The following LAMP1 variants were observed in gnomAD, a reference collection of about 807,000 sequenced individuals.
The protein encoded by LAMP1 is lysosome-associated membrane glycoprotein 1.
A neutral mutation model predicts 37.5 loss-of-function variants in LAMP1; 7 were observed. The observed-to-expected ratio is 0.19, with a 90% confidence interval of 0.11 to 0.35. The LOEUF (loss-of-function observed/expected upper bound fraction) is 0.35. Among genes scored for constraint, LAMP1 ranks in the 10% least tolerant of loss-of-function variants. The pLI is 1.00. For synonymous variants in LAMP1, 236 were observed against 229.1 expected (o/e 1.03, Z -0.27); for missense variants, 537 against 552.8 (o/e 0.97, Z 0.29).
At chr13:113,310,321 T>A (rs2042623332) in intron 3 of LAMP1, among the ~76,000 whole-genome samples, 1 of 151,780 alleles carries the variant, frequency 6.6e-6, no homozygotes, top group Non-Finnish European at 1.5e-5. Flanking sequence ...AGGTCAGGAG[T>A]TCGAGACCAG....
chr13:113,299,412 C>T (rs2042558942), intron 1 of LAMP1, among the ~76,000 whole-genome samples: 1 of 151,418 alleles, frequency 6.6e-6, no homozygotes, highest in Admixed American at 6.6e-5. Context: ...TTACAGGCAC[C>T]CGCCACTATG....
In LAMP1 at chr13:113,321,546, G is replaced by T; in HGVS notation, c.944-11G>T. On this transcript the variant is annotated splice_polypyrimidine_tract_variant and intron_variant, in intron 7 of 8. Coordinates refer to ENST00000332556, the MANE Select transcript of LAMP1 (RefSeq NM_005561.4). The surrounding 1 kb of genome is among the most constrained non-coding windows in gnomAD (Gnocchi z 5.6). ...TATTCTGGAGCCACTAGACCTCTGT[G>T]TGTGTTGCAGACCCTGCCTTTAAAG... 6.2e-7 allele frequency: 1 copy of T among 1,613,742 alleles called. No homozygotes were observed. The highest frequency in any genetic ancestry group is 8.5e-7 in the Non-Finnish European group (1 of 1,180,000).
chr13:113,304,376 G>T (rs1049291068), intron 1 of LAMP1, among the ~76,000 whole-genome samples: 1 of 152,182 alleles, frequency 6.6e-6, no homozygotes. Context: ...GTGTCTGCCT[G>T]TCCGCTGCTT....
intron 2 of LAMP1, among the ~76,000 whole-genome samples, chr13:113,308,720 A>T (rs567521277): frequency 6.6e-6 from 1 of 152,308 alleles, no homozygotes; most frequent in South Asian, 2.1e-4. Context: ...TATGTTTCAC[A>T]AGTGAGGTCA....
rs540043089 is a variant in LAMP1, at chr13:113,321,279, G to A, written c.877-125G>A. On this transcript the variant is annotated intron_variant, in intron 6 of 8. Transcript: ENST00000332556. The surrounding 1 kb of genome is among the most constrained non-coding windows in gnomAD (Gnocchi z 5.6). Reference sequence around the variant, plus strand: ...GCAGTTTTGTTCTAATACTAGAAATGTAGGAAGTCAGGTTTATTACCCAAT... The same window carrying A: ...GCAGTTTTGTTCTAATACTAGAAATATAGGAAGTCAGGTTTATTACCCAAT... 38 of 807,222 alleles carry A rather than the reference G, an allele frequency of 4.7e-5. No homozygotes were observed. In the African/African-American group the frequency reaches 6.1e-4, roughly 13 times the overall value. The allele number at this position is 807,222 out of a possible 1,614,324, so 50.0% of individuals were successfully genotyped here.
chr13:113,319,189 C>T (rs887324774), intron 4 of LAMP1, among the ~76,000 whole-genome samples: 2 of 152,172 alleles, frequency 1.3e-5, no homozygotes, highest in Admixed American at 6.5e-5. Flanking sequence ...GTGTGGTGGG[C>T]GGTGCCTGCT....
chr13:113,310,920 C>T (rs2042627929), intron 4 of LAMP1, 53 bp downstream of exon 4: 2 of 1,525,070 alleles, frequency 1.3e-6, no homozygotes, highest in African/African-American at 2.7e-5. Flanking sequence ...AGCTGGGCTG[C>T]AGTGGCTGCG....
chr13:113,306,323 C>T (rs992586412), intron 1 of LAMP1, 162 bp from the exon 2 acceptor site: 32 of 716,182 alleles, frequency 4.5e-5, no homozygotes, highest in Middle Eastern at 4.3e-4. Flanking sequence ...CGCCACTGCA[C>T]CCCAGCCTGG....
At chr13:113,319,373 C>G in intron 4 of LAMP1, 96 bp from the exon 5 acceptor site, 1 of 1,123,144 alleles carries the variant, frequency 8.9e-7, no homozygotes, top group Non-Finnish European at 1.3e-6. Flanking sequence ...ACGCCAGAGT[C>G]CACAGATGTA....
chr13:113,316,391 C>T (rs999217247), intron 4 of LAMP1, among the ~76,000 whole-genome samples: 3 of 151,262 alleles, frequency 2.0e-5, no homozygotes, highest in South Asian at 2.1e-4. Context: ...TGAAGGTCAC[C>T]GTGTCTCATC....
In LAMP1 at chr13:113,321,499, G is replaced by GCCCCCCC; in HGVS notation, c.943+34_943+35insCCCCCCC. 6.2e-7 allele frequency: 1 copy of GCCCCCCC among 1,610,948 alleles called. No homozygotes were observed. Among genetic ancestry groups the GCCCCCCC allele is most frequent in the East Asian group, 2.2e-5 (1 of 44,722 alleles). ...AGAACCCACAATCTCTGCGAGCCCC[G>GCCCCCCC]CCCCCGCCCGCGCGCCCAGGGTATT... On this transcript the variant is annotated intron_variant, in intron 7 of 8. Transcript: ENST00000332556. The surrounding 1 kb of genome is among the most constrained non-coding windows in gnomAD (Gnocchi z 5.6).
intron 4 of LAMP1, among the ~76,000 whole-genome samples, chr13:113,315,193 G>A (rs1486355280): frequency 1.4e-5 from 2 of 147,432 alleles, no homozygotes; most frequent in African/African-American, 5.1e-5. Context: ...GAGGGAGTCA[G>A]TGTGGAGATG....
At chr13:113,302,774 G>A (rs2042580934) in intron 1 of LAMP1, among the ~76,000 whole-genome samples, 2 of 152,226 alleles carry the variant, frequency 1.3e-5, no homozygotes, top group East Asian at 1.9e-4. Flanking sequence ...ATCAAGTGCT[G>A]GAGAGGCAGC....
rs1432236733 is a variant in LAMP1 at position 113,320,073 on chromosome 13, G to T, written c.751-272G>T. ...GTGGGGGTCGACTTGCGTGCCGTGG[G>T]GTGAGTTTGCAGGGCTGACTGCTGC... On this transcript the variant is annotated intron_variant, in intron 5 of 8. Transcript: ENST00000332556. This position sits in a 1 kb window ranked among gnomAD's most constrained non-coding sequence, Gnocchi z 4.4. Among the ~76,000 whole-genome samples the T allele has an allele frequency of 6.6e-6, 1 of 152,206 alleles. No homozygotes were observed. Among genetic ancestry groups the T allele is most frequent in the Non-Finnish European group, 1.5e-5 (1 of 68,040 alleles).
At position 113,321,705 on chromosome 13, in the gene LAMP1, G is replaced by A. The variant is rs2042701392; in HGVS notation, c.1092G>A (p.Val364=). ...AAGTGTGGGTCCAGGCTTTCAAGGT[G>A]GAAGGTGGCCAGTTTGGCTCTGGTG... ...IFKVWVQAFK[V]EGGQFGSVEE... is the part of the protein sequence containing the mutation. The change falls in exon 8 of 9, where the codon GTG becomes GTA. Residue 364 remains valine, a synonymous_variant. Transcript: ENST00000332556. The surrounding 1 kb of genome is among the most constrained non-coding windows in gnomAD (Gnocchi z 5.6). 2 of 1,614,124 alleles carry A rather than the reference G, an allele frequency of 1.2e-6. No homozygotes were observed. The highest frequency in any genetic ancestry group is 1.7e-6 in the Non-Finnish European group (2 of 1,180,044).
rs760475557 is a variant in LAMP1, at chr13:113,321,294, T to C, written c.877-110T>C. 2.2e-6 allele frequency: 2 copies of C among 899,250 alleles called. No homozygotes were observed. Among genetic ancestry groups the C allele is most frequent in the Non-Finnish European group, 3.7e-6 (2 of 535,198 alleles). 55.7% of individuals were successfully genotyped at this position (899,250 alleles called of 1,614,324 possible). ...TACTAGAAATGTAGGAAGTCAGGTTTATTACCCAATGACCATTCACGTTTG... is the reference window on the plus strand; with the variant it reads ...TACTAGAAATGTAGGAAGTCAGGTTCATTACCCAATGACCATTCACGTTTG... On this transcript the variant is annotated intron_variant, in intron 6 of 8. Coordinates refer to ENST00000332556, the MANE Select transcript of LAMP1 (RefSeq NM_005561.4). This position sits in a 1 kb window ranked among gnomAD's most constrained non-coding sequence, Gnocchi z 5.6.
intron 1 of LAMP1, among the ~76,000 whole-genome samples, chr13:113,300,498 AAAAAAAAG>A (rs2042565259): frequency 6.7e-6 from 1 of 150,326 alleles, no homozygotes; most frequent in Non-Finnish European, 1.5e-5. Flanking sequence ...AAAAAAAAAA[AAAAAAAAG>A]AAAAAGAAAA....
chr13:113,317,113 G>A lies in LAMP1; in HGVS notation c.563-2356G>A, dbSNP rs192976365. 7.7e-4 allele frequency among the ~76,000 whole-genome samples: 118 copies of A among 152,274 alleles called. 1 individual carries two copies. Among genetic ancestry groups the A allele is most frequent in the Non-Finnish European group, 1.2e-3 (82 of 68,012 alleles). ...GTTGATGTGAGTATCTGCTGTTGCC[G>A]GGAGAGGAGGAGGGGCCTTCAGAGC... On this transcript the variant is annotated intron_variant, in intron 4 of 8. Coordinates refer to ENST00000332556, the MANE Select transcript of LAMP1 (RefSeq NM_005561.4).
At chr13:113,322,053 C>T in intron 8 of LAMP1, 1 of 584,126 alleles carries the variant, frequency 1.7e-6, no homozygotes, top group Non-Finnish European at 3.0e-6. Context: ...AGCTGTCCGG[C>T]CACAGCCCCT....
Sources: allele counts gnomAD v4.1 joint callset (sites outside exome capture counted in the v4.1 genomes callset), GRCh38; gene constraint gnomAD v4.1.1; non-coding constraint Gnocchi (gnomAD v3.1); transcripts MANE v1.5; gene names NCBI Gene and HGNC (gene_info 2026-07-23, HGNC 2026-07-21).